LRRFIP2: variants seen among roughly 807,000 people sequenced by gnomAD.
LRRFIP2 encodes leucine-rich repeat flightless-interacting protein 2.
LRRFIP2 carries 109 observed loss-of-function variants against 125.9 expected under a neutral mutation model. That is an observed-to-expected ratio of 0.87 (90% CI 0.74 to 1.01). The LOEUF is 1.01. Ranked by LOEUF, LRRFIP2 falls within the 50% of genes least tolerant of loss-of-function variation. LRRFIP2 has a pLI of 0.00. For missense variants in LRRFIP2, 850 were observed against 862.3 expected, an observed-to-expected ratio of 0.99 and a Z score of 0.18; for synonymous variants, 291 against 293.1, an observed-to-expected ratio of 0.99 and a Z score of 0.07.
chr3:37,067,898 C>T (rs2090449255), intron 21 of LRRFIP2: 1 of 152,084 alleles, frequency 6.6e-6, no homozygotes, highest in Non-Finnish European at 1.5e-5. Flanking sequence ...TTTTAAATAT[C>T]ACAGCTCTAT....
At chr3:37,147,358 AG>A (rs1417255795) in intron 2 of LRRFIP2, among the ~76,000 whole-genome samples, 6 of 152,182 alleles carry the variant, frequency 3.9e-5, no homozygotes, top group Admixed American at 6.5e-5. Flanking sequence ...CATTACTTGA[AG>A]GAATATAAAT....
At chr3:37,143,135 C>G (rs1189099358) in intron 2 of LRRFIP2, among the ~76,000 whole-genome samples, 2 of 152,176 alleles carry the variant, frequency 1.3e-5, no homozygotes, top group Non-Finnish European at 2.9e-5. Flanking sequence ...CAAGTAGATG[C>G]CAGTGCCATG....
chr3:37,080,738 C>A (rs2092568222), intron 19 of LRRFIP2, among the ~76,000 whole-genome samples: 1 of 151,968 alleles, frequency 6.6e-6, no homozygotes, highest in Admixed American at 6.6e-5. Flanking sequence ...ATTAAGCAAC[C>A]CAGTTTCTTC....
intron 2 of LRRFIP2, chr3:37,134,958 C>A: frequency 6.7e-7 from 1 of 1,489,008 alleles, no homozygotes; most frequent in Non-Finnish European, 9.3e-7. Flanking sequence ...AAAACTATTT[C>A]TAAAGTTCTT....
At chr3:37,073,564 A>C (rs1275448050) in intron 20 of LRRFIP2, among the ~76,000 whole-genome samples, 1 of 152,104 alleles carries the variant, frequency 6.6e-6, no homozygotes, top group Non-Finnish European at 1.5e-5. Context: ...AATTCCAAAG[A>C]CCAAAAAACA....
chr3:37,056,610 T>C (rs942405724), intron 25 of LRRFIP2, among the ~76,000 whole-genome samples: 1 of 152,020 alleles, frequency 6.6e-6, no homozygotes, highest in African/African-American at 2.4e-5. Context: ...CCCGCCACCA[T>C]GCCTGGCTAA....
At chr3:37,078,999 C>T (rs1034179083) in intron 19 of LRRFIP2, among the ~76,000 whole-genome samples, 2 of 151,998 alleles carry the variant, frequency 1.3e-5, no homozygotes, top group Non-Finnish European at 2.9e-5. Context: ...TTGGTCACAA[C>T]CAATTCCTTT....
intron 1 of LRRFIP2, among the ~76,000 whole-genome samples, chr3:37,156,665 CTCAG>C (rs2096205282): frequency 1.3e-5 from 1 of 76,332 alleles, no homozygotes; most frequent in Non-Finnish European, 2.3e-5. Flanking sequence ...CAGAGCGAGA[CTCAG>C]TATCAAAAAA....
intron 2 of LRRFIP2, chr3:37,143,419 C>A: frequency 5.9e-6 from 1 of 169,616 alleles, no homozygotes. Flanking sequence ...GGAGAGAAGG[C>A]AATGCCTCTT....
intron 14 of LRRFIP2, among the ~76,000 whole-genome samples, chr3:37,104,061 G>T: frequency 6.6e-6 from 1 of 151,772 alleles, no homozygotes; most frequent in Non-Finnish European, 1.5e-5. Context: ...GATAAAACAG[G>T]CTTACAAGTA....
At chr3:37,149,065 T>C in intron 1 of LRRFIP2, 27 bp from the exon 2 acceptor site, 4 of 1,557,186 alleles carry the variant, frequency 2.6e-6, no homozygotes, top group Non-Finnish European at 3.5e-6. Context: ...CATAATAACT[T>C]AAGGTATTTC....
intron 18 of LRRFIP2, among the ~76,000 whole-genome samples, chr3:37,087,018 C>T (rs1316552915): frequency 6.6e-6 from 1 of 152,050 alleles, no homozygotes; most frequent in Non-Finnish European, 1.5e-5. Flanking sequence ...CGTACTACCA[C>T]ACCTGGCTAA....
intron 25 of LRRFIP2, among the ~76,000 whole-genome samples, chr3:37,055,880 TCTG>T (rs2086701944): frequency 1.3e-5 from 2 of 152,158 alleles, no homozygotes; most frequent in African/African-American, 4.8e-5. Context: ...AGGTTTTGCT[TCTG>T]CTGTCCAATA....
chr3:37,070,892 A>G (rs1423055017), intron 21 of LRRFIP2, among the ~76,000 whole-genome samples: 1 of 152,186 alleles, frequency 6.6e-6, no homozygotes, highest in Non-Finnish European at 1.5e-5. Flanking sequence ...GATCTGTGTT[A>G]AAGAAAATTA....
At chr3:37,159,763 T>C (rs1183022429) in intron 1 of LRRFIP2, among the ~76,000 whole-genome samples, 2 of 142,558 alleles carry the variant, frequency 1.4e-5, no homozygotes, top group African/African-American at 5.3e-5. Flanking sequence ...TGCCTCCACC[T>C]CCCAAAGTGC....
At chr3:37,158,134 T>C (rs568002163) in intron 1 of LRRFIP2, among the ~76,000 whole-genome samples, 12 of 152,358 alleles carry the variant, frequency 7.9e-5, no homozygotes, top group African/African-American at 2.6e-4. Flanking sequence ...ATTAGGAAGA[T>C]AGACTAAACA....
At chr3:37,110,455 T>G (rs1018183814) in intron 9 of LRRFIP2, among the ~76,000 whole-genome samples, 1 of 152,210 alleles carries the variant, frequency 6.6e-6, no homozygotes, top group Non-Finnish European at 1.5e-5. Flanking sequence ...ATACACTTAA[T>G]GTGTCTTAAA....
At chr3:37,165,781 A>AG (rs1171074014) in intron 1 of LRRFIP2, among the ~76,000 whole-genome samples, 1 of 134,938 alleles carries the variant, frequency 7.4e-6, no homozygotes, top group Non-Finnish European at 1.6e-5. Flanking sequence ...AAAAGAAAAG[A>AG]AAAGAGAAAG....
chr3:37,111,010 GT>G lies in LRRFIP2; in HGVS notation c.493del (p.Thr165ProfsTer34). 1 of 1,613,808 alleles carries G rather than the reference GT, an allele frequency of 6.2e-7. No individual in the cohort carries two copies. ...NYSSLRHSKP[T>X]SAYYTRQSSS... Reference sequence around the variant, plus strand: ...ACAAACCCGAGTGTAGTAGGCAGAGGTGGGTTTGCTATGTCTAAGACTGCTA... The same window carrying G: ...ACAAACCCGAGTGTAGTAGGCAGAGGGGGTTTGCTATGTCTAAGACTGCTA... On this transcript the variant is annotated frameshift_variant, in exon 9 of 28. Coordinates refer to ENST00000336686, the MANE Select transcript of LRRFIP2 (RefSeq NM_006309.4). LOFTEE classifies it high-confidence loss of function.
Sources: allele counts gnomAD v4.1 joint callset (sites outside exome capture counted in the v4.1 genomes callset), GRCh38; gene constraint gnomAD v4.1.1; transcripts MANE v1.5; gene names NCBI Gene and HGNC (gene_info 2026-07-23, HGNC 2026-07-21).